The following MAPKAP1 variants were observed in gnomAD, a reference collection of about 807,000 sequenced individuals.
The protein encoded by MAPKAP1 is MAPK associated protein 1, also known as target of rapamycin complex 2 subunit MAPKAP1.
MAPKAP1 carries 20 observed loss-of-function variants against 65.7 expected under a neutral mutation model. The observed-to-expected ratio is 0.30, with a 90% CI of 0.21 to 0.44. MAPKAP1 has a LOEUF of 0.44. MAPKAP1 is among the 20% of genes least tolerant of loss of function. The pLI, the probability that MAPKAP1 is intolerant of heterozygous loss-of-function variation, is 1.00. For synonymous variants in MAPKAP1, 222 were observed against 244.3 expected (o/e 0.91, Z 0.85); for missense variants, 423 against 648.0 (o/e 0.65, Z 3.77).
At chr9:125,504,831 A>T (rs1220633675) in intron 8 of MAPKAP1, among the ~76,000 whole-genome samples, 1 of 151,882 alleles carries the variant, frequency 6.6e-6, no homozygotes, top group Non-Finnish European at 1.5e-5. Context: ...AAAACCAAAA[A>T]CATCCAAAGA....
At chr9:125,575,536 C>A (rs1435532099) in intron 5 of MAPKAP1, among the ~76,000 whole-genome samples, 4 of 152,050 alleles carry the variant, frequency 2.6e-5, no homozygotes, top group Admixed American at 6.5e-5. Flanking sequence ...GTATAGTGGC[C>A]ATTAAAAATG....
chr9:125,693,492 TAC>T (rs1009362123), intron 1 of MAPKAP1, among the ~76,000 whole-genome samples: 47 of 147,242 alleles, frequency 3.2e-4, no homozygotes, highest in East Asian at 1.0e-3. Context: ...TACACATATA[TAC>T]ACACATATAT....
chr9:125,476,847 A>G lies in MAPKAP1; in HGVS notation c.1207+7596T>C, dbSNP rs202147864. Among the ~76,000 whole-genome samples the G allele has an allele frequency of 4.6e-5, 7 of 152,374 alleles. No homozygotes were observed. In the East Asian group the frequency reaches 1.3e-3, roughly 29 times the overall value. On this transcript the variant is annotated intron_variant, in intron 9 of 11. Transcript: ENST00000265960. ...AAATATGCTGCCTGTCATCATGCTCAGGCCCAGGGCAGACATTTCTAATCA... is the reference window on the plus strand; with the variant it reads ...AAATATGCTGCCTGTCATCATGCTCGGGCCCAGGGCAGACATTTCTAATCA...
intron 1 of MAPKAP1, among the ~76,000 whole-genome samples, chr9:125,701,043 G>T (rs997950660): frequency 6.6e-6 from 1 of 152,216 alleles, no homozygotes; most frequent in South Asian, 2.1e-4. Flanking sequence ...CTGCCAGCAA[G>T]AGAGGAGGGG....
Position 125,694,897 on chromosome 9 carries a change from A to T in MAPKAP1, c.-70+12074T>A, listed in dbSNP as rs766131263. Among the ~76,000 whole-genome samples, 4 of 152,370 alleles carry T rather than the reference A, an allele frequency of 2.6e-5. No individual in the cohort carries two copies. In the South Asian group the frequency reaches 8.3e-4, roughly 32 times the overall value. The stretch of plus-strand genomic sequence containing the variant: ...CATTCAAAACATTTAGCATATTCTT[A>T]TAAGTCCCAAGTATAAATGACAGAG... On this transcript the variant is annotated intron_variant, in intron 1 of 11. Coordinates refer to ENST00000265960, the MANE Select transcript of MAPKAP1 (RefSeq NM_001006617.3).
chr9:125,641,477 C>A (rs531690766), intron 4 of MAPKAP1, among the ~76,000 whole-genome samples: 2 of 152,178 alleles, frequency 1.3e-5, no homozygotes, highest in South Asian at 4.1e-4. Flanking sequence ...AAAAACAGCC[C>A]ATCAGTTTTT....
At chr9:125,668,496 G>A (rs1834404687) in intron 3 of MAPKAP1, among the ~76,000 whole-genome samples, 1 of 152,176 alleles carries the variant, frequency 6.6e-6, no homozygotes. Flanking sequence ...TCTATTACAT[G>A]CCGATATGAT....
intron 1 of MAPKAP1, among the ~76,000 whole-genome samples, chr9:125,696,718 A>G (rs1435415024): frequency 1.3e-5 from 2 of 152,146 alleles, no homozygotes; most frequent in Admixed American, 1.3e-4. Flanking sequence ...AATCAATCAA[A>G]TCTTTTGTTT....
chr9:125,605,612 G>T (rs1351621341), intron 4 of MAPKAP1, among the ~76,000 whole-genome samples: 1 of 152,206 alleles, frequency 6.6e-6, no homozygotes, highest in East Asian at 1.9e-4. Flanking sequence ...CTGCACTTCG[G>T]AACCCATTGT....
At chr9:125,582,407 T>A (rs1564569166) in intron 5 of MAPKAP1, among the ~76,000 whole-genome samples, 1 of 152,190 alleles carries the variant, frequency 6.6e-6, no homozygotes, top group Admixed American at 6.5e-5. Context: ...CCTCGTGTGC[T>A]TTGGAATTTT....
At chr9:125,698,431 G>A (rs1374439677) in intron 1 of MAPKAP1, among the ~76,000 whole-genome samples, 4 of 149,384 alleles carry the variant, frequency 2.7e-5, no homozygotes, top group African/African-American at 7.4e-5. Context: ...TCCGACTCCC[G>A]GGTTCAAGCA....
At chr9:125,698,280 T>TATAAATAA (rs1835454888) in intron 1 of MAPKAP1, among the ~76,000 whole-genome samples, 2 of 24,886 alleles carry the variant, frequency 8.0e-5, no homozygotes, top group Non-Finnish European at 1.2e-4. Context: ...TAATACATAA[T>TATAAATAA]ATATATAAAT....
At chr9:125,570,009 T>C (rs1259069116) in intron 5 of MAPKAP1, among the ~76,000 whole-genome samples, 1 of 152,246 alleles carries the variant, frequency 6.6e-6, no homozygotes, top group East Asian at 1.9e-4. Context: ...TTAAGTTGGC[T>C]AAATGCTTTA....
chr9:125,497,352 A>G (rs1267437135), intron 8 of MAPKAP1, among the ~76,000 whole-genome samples: 1 of 152,254 alleles, frequency 6.6e-6, no homozygotes, highest in Non-Finnish European at 1.5e-5. Flanking sequence ...TAATGTTTAC[A>G]GAGCAACTGA....
intron 4 of MAPKAP1, among the ~76,000 whole-genome samples, chr9:125,626,620 C>CA (rs1485457574): frequency 1.3e-5 from 2 of 152,198 alleles, no homozygotes; most frequent in African/African-American, 4.8e-5. Context: ...AGCGCAGACA[C>CA]AGAGGATTTC....
intron 1 of MAPKAP1, among the ~76,000 whole-genome samples, chr9:125,674,480 A>C (rs1834588155): frequency 6.6e-6 from 1 of 152,228 alleles, no homozygotes; most frequent in Non-Finnish European, 1.5e-5. Flanking sequence ...TGGATTGACT[A>C]TGTTTCCAGG....
At chr9:125,674,588 G>C (rs1290508781) in intron 1 of MAPKAP1, among the ~76,000 whole-genome samples, 4 of 152,200 alleles carry the variant, frequency 2.6e-5, no homozygotes, top group Non-Finnish European at 5.9e-5. Flanking sequence ...AGGAAATCTA[G>C]CTAATAAATC....
intron 7 of MAPKAP1, among the ~76,000 whole-genome samples, chr9:125,517,413 T>A (rs1564539009): frequency 6.6e-6 from 1 of 152,162 alleles, no homozygotes; most frequent in Non-Finnish European, 1.5e-5. Context: ...TTTTCTAAGT[T>A]AAGTGATTTA....
chr9:125,683,414 G>A (rs568618626), intron 1 of MAPKAP1, among the ~76,000 whole-genome samples: 232 of 152,278 alleles, frequency 1.5e-3, no homozygotes, highest in Non-Finnish European at 2.6e-3. Context: ...CCTGAAGAGA[G>A]CAATTCTAAG....
Sources: gnomAD v4.1 joint callset for allele counts (sites outside exome capture counted in the v4.1 genomes callset) on GRCh38, gnomAD v4.1.1 for gene constraint, MANE v1.5 for transcripts, NCBI Gene and HGNC (gene_info 2026-07-23, HGNC 2026-07-21) for gene names.